Variants in FBXO42 observed in about 807,000 individuals in gnomAD.
The protein encoded by FBXO42 is F-box only protein 42.
FBXO42 carries 12 observed loss-of-function variants against 71.7 expected under a neutral mutation model. The observed-to-expected ratio is 0.17, with a 90% CI of 0.11 to 0.27. FBXO42 has a LOEUF of 0.27. Among genes scored for constraint, FBXO42 ranks in the 10% least tolerant of loss-of-function variants. The pLI, the probability that FBXO42 is intolerant of heterozygous loss-of-function variation, is 1.00. For missense variants in FBXO42, 707 were observed against 911.9 expected, an observed-to-expected ratio of 0.78 and a Z score of 2.89; for synonymous variants, 325 against 327.5, an observed-to-expected ratio of 0.99 and a Z score of 0.08.
At chr1:16,265,537 T>C (rs529805506) in intron 4 of FBXO42, among the ~76,000 whole-genome samples, 2 of 152,164 alleles carry the variant, frequency 1.3e-5, no homozygotes, top group Non-Finnish European at 2.9e-5. Flanking sequence ...ATTTAATCAT[T>C]ATAACCTTAA....
chr1:16,307,425 C>T (rs564200352), intron 2 of FBXO42, among the ~76,000 whole-genome samples: 3 of 151,914 alleles, frequency 2.0e-5, no homozygotes, highest in Non-Finnish European at 4.4e-5. Flanking sequence ...CACCTGTGCC[C>T]AGGAGTTCAA....
intron 4 of FBXO42, among the ~76,000 whole-genome samples, chr1:16,264,837 C>T (rs1332994582): frequency 6.6e-6 from 1 of 152,192 alleles, no homozygotes; most frequent in African/African-American, 2.4e-5. Context: ...CCCAAGGTTC[C>T]TATGAAATCA....
rs923275656 is a variant in FBXO42, at chr1:16,315,171, T to C, written c.248A>G (p.Lys83Arg). 5.6e-6 allele frequency: 9 copies of C among 1,608,366 alleles called. No individual in the cohort carries two copies. Among genetic ancestry groups the C allele is most frequent in the Admixed American group, 5.0e-5 (3 of 59,666 alleles). Residue 83 changes from lysine (K) to arginine (R), a missense_variant and splice_region_variant, in exon 2 of 10, where the codon AAA becomes AGA. By Grantham distance (26) the Lys-to-Arg change is conservative. Coordinates refer to ENST00000375592, the MANE Select transcript of FBXO42 (RefSeq NM_018994.3). Reference sequence around the variant, plus strand: ...AACCTTTCTCCTATCCACAGTACCTTTGATAAGTCGATACCACTGTTTGCA... The same window carrying C: ...AACCTTTCTCCTATCCACAGTACCTCTGATAAGTCGATACCACTGTTTGCA... ...LVCKQWYRLI[K>R]GVAHQCYHGF... is the part of the protein sequence containing the mutation.
chr1:16,300,990 C>T (rs2082187207), intron 3 of FBXO42, among the ~76,000 whole-genome samples: 1 of 151,020 alleles, frequency 6.6e-6, no homozygotes. Context: ...CCTCTGCCTC[C>T]CAGGTTCAAG....
intron 1 of FBXO42, among the ~76,000 whole-genome samples, chr1:16,343,285 T>C (rs969525067): frequency 2.6e-5 from 4 of 152,328 alleles, no homozygotes; most frequent in South Asian, 4.1e-4. Context: ...GGCTCACGCC[T>C]GCAATGCCAA....
chr1:16,338,132 G>A (rs925973685), intron 1 of FBXO42, among the ~76,000 whole-genome samples: 8 of 149,772 alleles, frequency 5.3e-5, no homozygotes, highest in Non-Finnish European at 7.4e-5. Flanking sequence ...GGTGGCAGGC[G>A]CCTGTAGTCC....
intron 1 of FBXO42, among the ~76,000 whole-genome samples, chr1:16,321,303 C>A (rs2082407874): frequency 6.6e-6 from 1 of 152,180 alleles, no homozygotes; most frequent in Non-Finnish European, 1.5e-5. Context: ...TGCCCAACAC[C>A]AATTTGCATA....
At chr1:16,329,316 G>A (rs1015438692) in intron 1 of FBXO42, among the ~76,000 whole-genome samples, 1 of 152,076 alleles carries the variant, frequency 6.6e-6, no homozygotes, top group Non-Finnish European at 1.5e-5. Context: ...AGGTGCTGTG[G>A]TTCATGCCTG....
intron 1 of FBXO42, among the ~76,000 whole-genome samples, chr1:16,325,603 T>A (rs1333980893): frequency 2.6e-5 from 4 of 152,116 alleles, no homozygotes; most frequent in Non-Finnish European, 5.9e-5. Context: ...ACAGAAAAAA[T>A]TTAAAAATGG....
intron 4 of FBXO42, among the ~76,000 whole-genome samples, chr1:16,274,870 G>A (rs2081883589): frequency 6.6e-6 from 1 of 151,708 alleles, no homozygotes; most frequent in African/African-American, 2.4e-5. Flanking sequence ...GATTACAGGC[G>A]TGAGCCACCA....
chr1:16,337,668 AG>A (rs1026468878), intron 1 of FBXO42, among the ~76,000 whole-genome samples: 17 of 149,386 alleles, frequency 1.1e-4, no homozygotes, highest in African/African-American at 4.2e-4. Flanking sequence ...GGATCACCTG[AG>A]GTCAGGAGTT....
Position 16,252,236 on chromosome 1 carries a change from T to A in FBXO42, c.1038+52A>T. 7.3e-7 allele frequency: 1 copy of A among 1,369,228 alleles called. No individual in the cohort carries two copies. 84.8% of individuals were successfully genotyped at this position (1,369,228 alleles called of 1,614,324 possible). Reference sequence around the variant, plus strand: ...TTGTAACCTGACAAAGTAATGTGGTTTTCCACAATTTAGGACCTGTCCTCC... The same window carrying A: ...TTGTAACCTGACAAAGTAATGTGGTATTCCACAATTTAGGACCTGTCCTCC... On this transcript the variant is annotated intron_variant, in intron 9 of 9. Transcript: ENST00000375592. The surrounding 1 kb of genome is among the most constrained non-coding windows in gnomAD (Gnocchi z 4.4).
At chr1:16,344,037 G>A (rs2082632916) in intron 1 of FBXO42, among the ~76,000 whole-genome samples, 1 of 150,728 alleles carries the variant, frequency 6.6e-6, no homozygotes, top group South Asian at 2.1e-4. Flanking sequence ...CACTCATGTT[G>A]CCAAGGCTGG....
chr1:16,265,349 C>G (rs1344634699), intron 4 of FBXO42, among the ~76,000 whole-genome samples: 1 of 152,132 alleles, frequency 6.6e-6, no homozygotes, highest in Non-Finnish European at 1.5e-5. Flanking sequence ...TCTTGGCCCC[C>G]CAAAGTGCTG....
intron 3 of FBXO42, among the ~76,000 whole-genome samples, chr1:16,305,402 A>C (rs1377034104): frequency 6.6e-6 from 1 of 152,046 alleles, no homozygotes; most frequent in Non-Finnish European, 1.5e-5. Context: ...TAAATAAATA[A>C]ATAATTAAAA....
chr1:16,323,002 C>T (rs1189841816), intron 1 of FBXO42, among the ~76,000 whole-genome samples: 3 of 152,216 alleles, frequency 2.0e-5, no homozygotes, highest in Admixed American at 2.0e-4. Context: ...TTCAACTAGA[C>T]ATCTGACAAT....
intron 2 of FBXO42, 121 bp downstream of exon 2, chr1:16,315,048 T>C (rs2082350617): frequency 4.5e-6 from 5 of 1,100,182 alleles, no homozygotes; most frequent in Admixed American, 5.5e-5. Flanking sequence ...GGTAGTATCG[T>C]CTAATGCTAG....
intron 3 of FBXO42, among the ~76,000 whole-genome samples, chr1:16,301,309 G>T (rs1182011356): frequency 2.0e-5 from 3 of 151,972 alleles, no homozygotes; most frequent in African/African-American, 4.8e-5. Flanking sequence ...AAATTATTAG[G>T]TATCAAAATA....
Position 16,250,620 on chromosome 1 carries a change from G to A in FBXO42, c.*50C>T. 3 of 1,564,246 alleles carry A rather than the reference G, an allele frequency of 1.9e-6. No homozygotes were observed. In the South Asian group the frequency reaches 3.7e-5, roughly 19 times the overall value. On this transcript the variant is annotated 3_prime_UTR_variant, in exon 10 of 10. Transcript: ENST00000375592. This position sits in a 1 kb window ranked among gnomAD's most constrained non-coding sequence, Gnocchi z 4.7. Reference sequence around the variant, plus strand: ...TTCTCAGTCCAAATGCTTACACACTGGAAAATTCCAAATTAAAAGCCACAG... The same window carrying A: ...TTCTCAGTCCAAATGCTTACACACTAGAAAATTCCAAATTAAAAGCCACAG...
Sources: allele counts gnomAD v4.1 joint callset (sites outside exome capture counted in the v4.1 genomes callset), GRCh38; gene constraint gnomAD v4.1.1; non-coding constraint Gnocchi (gnomAD v3.1); transcripts MANE v1.5; gene names NCBI Gene and HGNC (gene_info 2026-07-23, HGNC 2026-07-21).